The following PPP1R12B variants were observed in gnomAD, a reference collection of about 807,000 sequenced individuals.
PPP1R12B encodes myosin phosphatase target subunit 2.
A neutral mutation model predicts 126.1 loss-of-function variants in PPP1R12B; 76 were observed. The observed-to-expected ratio is 0.60, with a 90% CI of 0.50 to 0.73. PPP1R12B has a LOEUF of 0.73. Ranked by LOEUF, PPP1R12B falls within the 30% of genes least tolerant of loss-of-function variation. The pLI is 0.00. For missense variants in PPP1R12B, 1,052 were observed against 1,205.1 expected (o/e 0.87, Z 1.88); for synonymous variants, 356 against 434.7 (o/e 0.82, Z 2.25).
chr1:202,523,761 A>T (rs952805276), intron 18 of PPP1R12B, among the ~76,000 whole-genome samples: 2 of 151,712 alleles, frequency 1.3e-5, no homozygotes, highest in Non-Finnish European at 2.9e-5. Flanking sequence ...GTTGCCCAGG[A>T]TGGAGTGCAT....
At chr1:202,510,845 A>G (rs1681386935) in intron 18 of PPP1R12B, among the ~76,000 whole-genome samples, 1 of 148,326 alleles carries the variant, frequency 6.7e-6, no homozygotes, top group South Asian at 2.1e-4. Flanking sequence ...GTTATCCAAT[A>G]CAAGTTTTAT....
chr1:202,501,820 T>A, intron 18 of PPP1R12B: 2 of 979,216 alleles, frequency 2.0e-6, no homozygotes, highest in Non-Finnish European at 2.4e-6. Context: ...CTTACATCCT[T>A]TTCTATTCCT....
Position 202,584,081 on chromosome 1 carries a change from A to G in PPP1R12B, c.*3521A>G, listed in dbSNP as rs1689689312. On this transcript the variant is annotated 3_prime_UTR_variant, in exon 24 of 24. Coordinates refer to ENST00000608999, the MANE Select transcript of PPP1R12B (RefSeq NM_002481.4). The stretch of plus-strand genomic sequence containing the variant: ...CCAATCTCTAGCGAAAGGGTTATGC[A>G]AATCTCAGGGTGTTGCCTCTAAAGA... The G allele has an allele frequency of 6.6e-6, 1 of 152,210 alleles. No homozygotes were observed. The allele number at this position is 152,210 out of a possible 1,614,324, so 9.4% of individuals were successfully genotyped here. A position where few individuals can be genotyped will look rare whatever the true frequency, so the allele number is the denominator to read the frequency against.
chr1:202,571,008 C>T (rs897659119), intron 23 of PPP1R12B, among the ~76,000 whole-genome samples: 1 of 152,170 alleles, frequency 6.6e-6, no homozygotes, highest in East Asian at 1.9e-4. Context: ...TAGAACCTTT[C>T]AAGGAGTACC....
intron 1 of PPP1R12B, among the ~76,000 whole-genome samples, chr1:202,378,514 C>G (rs1306873258): frequency 6.6e-6 from 1 of 152,122 alleles, no homozygotes; most frequent in Non-Finnish European, 1.5e-5. Context: ...GAGTCTTGCT[C>G]TGTCACCTAG....
At chr1:202,443,335 C>T (rs1302338684) in intron 12 of PPP1R12B, among the ~76,000 whole-genome samples, 1 of 152,238 alleles carries the variant, frequency 6.6e-6, no homozygotes, top group Non-Finnish European at 1.5e-5. Context: ...ACTGTCTTCT[C>T]ACACCATAGC....
Position 202,460,179 on chromosome 1 carries a change from CTCTT to C in PPP1R12B, c.1850+11014_1850+11017del, listed in dbSNP as rs538942856. Among the ~76,000 whole-genome samples, 18 of 152,212 alleles carry C rather than the reference CTCTT, an allele frequency of 1.2e-4. No homozygotes were observed. In the South Asian group the frequency reaches 3.7e-3, roughly 32 times the overall value. On this transcript the variant is annotated intron_variant, in intron 13 of 23. Coordinates refer to ENST00000608999, the MANE Select transcript of PPP1R12B (RefSeq NM_002481.4). Reference sequence around the variant, plus strand: ...GAATTTTACCTCTTTTTTAATTGTGCTCTTTCTTTTCTTTGTAGAAATGGTTAAA... The same window carrying C: ...GAATTTTACCTCTTTTTTAATTGTGCTCTTTTCTTTGTAGAAATGGTTAAA...
intron 1 of PPP1R12B, among the ~76,000 whole-genome samples, chr1:202,377,002 T>C (rs1301065849): frequency 6.6e-6 from 1 of 152,316 alleles, no homozygotes; most frequent in South Asian, 2.1e-4. Flanking sequence ...TCATCAGCCA[T>C]CATTAGTATT....
intron 13 of PPP1R12B, chr1:202,473,976 C>T (rs1292946431): frequency 1.9e-6 from 1 of 531,440 alleles, no homozygotes; most frequent in Non-Finnish European, 3.9e-6. Context: ...TCTTGGAGCG[C>T]TCTTTGTCAA....
chr1:202,574,888 TAAAAAC>T, intron 23 of PPP1R12B: 1 of 1,142,736 alleles, frequency 8.8e-7, no homozygotes, highest in Non-Finnish European at 1.2e-6. Context: ...GCATGCAAAC[TAAAAAC>T]AAAAACAAAA....
intron 1 of PPP1R12B, among the ~76,000 whole-genome samples, chr1:202,367,316 T>G (rs547127378): frequency 6.6e-6 from 1 of 152,334 alleles, no homozygotes; most frequent in East Asian, 1.9e-4. Context: ...ATCCTGGTTT[T>G]GCTACTTACA....
At chr1:202,578,129 A>G (rs893856184) in intron 23 of PPP1R12B, among the ~76,000 whole-genome samples, 3 of 152,070 alleles carry the variant, frequency 2.0e-5, no homozygotes, top group Non-Finnish European at 1.5e-5. Context: ...TTAGATGTCA[A>G]TTGTAGCATG....
At chr1:202,491,890 C>T (rs1678930346) in intron 14 of PPP1R12B, among the ~76,000 whole-genome samples, 1 of 152,228 alleles carries the variant, frequency 6.6e-6, no homozygotes, top group Non-Finnish European at 1.5e-5. Context: ...AGCTTCTTAG[C>T]ATAGCTTACA....
chr1:202,389,274 A>G (rs1347334517), intron 1 of PPP1R12B, among the ~76,000 whole-genome samples: 3 of 152,242 alleles, frequency 2.0e-5, no homozygotes, highest in Non-Finnish European at 4.4e-5. Context: ...GTTGAAAAAC[A>G]AATGACAGAC....
At chr1:202,518,774 GA>G (rs1226294118) in intron 18 of PPP1R12B, among the ~76,000 whole-genome samples, 1 of 152,164 alleles carries the variant, frequency 6.6e-6, no homozygotes, top group Non-Finnish European at 1.5e-5. Flanking sequence ...AACACACTTA[GA>G]AAAAGTTTGC....
intron 13 of PPP1R12B, chr1:202,463,213 G>C: frequency 5.8e-6 from 2 of 342,298 alleles, no homozygotes; most frequent in Non-Finnish European, 4.1e-6. Context: ...GAAGGCAAGT[G>C]GTAAGAATAA....
intron 9 of PPP1R12B, 67 bp downstream of exon 9, chr1:202,434,835 G>T (rs1006537676): frequency 4.4e-6 from 7 of 1,578,224 alleles, no homozygotes; most frequent in Non-Finnish European, 6.0e-6. Flanking sequence ...ATCTAGAAAG[G>T]CCTTAAAGGT....
intron 18 of PPP1R12B, among the ~76,000 whole-genome samples, chr1:202,528,283 C>A (rs969118891): frequency 1.3e-5 from 2 of 152,224 alleles, no homozygotes; most frequent in African/African-American, 2.4e-5. Context: ...CAATATCATA[C>A]AAACTACGTA....
At chr1:202,417,958 A>T (rs980250268) in intron 2 of PPP1R12B, among the ~76,000 whole-genome samples, 8 of 152,176 alleles carry the variant, frequency 5.3e-5, no homozygotes, top group Non-Finnish European at 1.2e-4. Flanking sequence ...ACAAAGGGAG[A>T]GTCAGAGCCA....
Sources: gnomAD v4.1 joint callset for allele counts (sites outside exome capture counted in the v4.1 genomes callset) on GRCh38, gnomAD v4.1.1 for gene constraint, MANE v1.5 for transcripts, NCBI Gene and HGNC (gene_info 2026-07-23, HGNC 2026-07-21) for gene names.